Variants in SPTLC3 observed in about 807,000 individuals in gnomAD.
SPTLC3 encodes the protein serine palmitoyltransferase long chain base subunit 3.
A neutral mutation model predicts 59.3 loss-of-function variants in SPTLC3; 36 were observed. That is an observed-to-expected ratio of 0.61 (90% CI 0.47 to 0.80). SPTLC3 has a LOEUF of 0.80. SPTLC3 is among the 30% of genes least tolerant of loss of function. The pLI, the probability that SPTLC3 is intolerant of heterozygous loss-of-function variation, is 0.00. For missense variants in SPTLC3, 625 were observed against 685.1 expected, an observed-to-expected ratio of 0.91 and a Z score of 0.98; for synonymous variants, 257 against 240.8, an observed-to-expected ratio of 1.07 and a Z score of -0.62.
At chr20:13,087,497 C>T (rs552758969) in intron 4 of SPTLC3, among the ~76,000 whole-genome samples, 1 of 152,308 alleles carries the variant, frequency 6.6e-6, no homozygotes, top group African/African-American at 2.4e-5. Context: ...CACCTTGTTG[C>T]CTAGGCATTG....
At chr20:13,035,148 T>G (rs1189571088) in intron 1 of SPTLC3, among the ~76,000 whole-genome samples, 1 of 152,170 alleles carries the variant, frequency 6.6e-6, no homozygotes. Context: ...ATTTGTCAGC[T>G]TTCAGTCTCT....
chr20:13,133,904 T>C (rs1201819922), intron 9 of SPTLC3, among the ~76,000 whole-genome samples: 1 of 152,140 alleles, frequency 6.6e-6, no homozygotes, highest in Non-Finnish European at 1.5e-5. Context: ...TTATTCAACC[T>C]TTACTCAGCC....
At chr20:13,077,280 C>A in intron 4 of SPTLC3, among the ~76,000 whole-genome samples, 1 of 149,630 alleles carries the variant, frequency 6.7e-6, no homozygotes, top group African/African-American at 2.4e-5. Flanking sequence ...ATATAAAATA[C>A]AAATAATATT....
At chr20:13,051,090 T>TTCAA (rs1273115969) in intron 2 of SPTLC3, 3 of 152,200 alleles carry the variant, frequency 2.0e-5, no homozygotes, top group African/African-American at 7.2e-5. Context: ...TACCTCACAT[T>TTCAA]TCAATACTAA....
chr20:13,080,486 G>A (rs2327688), intron 4 of SPTLC3, among the ~76,000 whole-genome samples: 32,460 of 126,010 alleles, frequency 0.26, 4,495 homozygotes, highest in Middle Eastern at 0.4. Flanking sequence ...CCAGCCTCAT[G>A]ACCGAGTGAA....
At chr20:13,068,975 G>A (rs1988336066) in intron 2 of SPTLC3, among the ~76,000 whole-genome samples, 1 of 152,154 alleles carries the variant, frequency 6.6e-6, no homozygotes, top group African/African-American at 2.4e-5. Flanking sequence ...CTGAATCCCT[G>A]AGTCAGGAGG....
chr20:13,088,149 G>GT (rs1336312526), intron 4 of SPTLC3, among the ~76,000 whole-genome samples: 2 of 152,112 alleles, frequency 1.3e-5, no homozygotes, highest in African/African-American at 4.8e-5. Context: ...AGGTAAACGC[G>GT]TATCTGGCAA....
chr20:13,097,345 C>T (rs1989452925), intron 6 of SPTLC3, among the ~76,000 whole-genome samples: 1 of 152,012 alleles, frequency 6.6e-6, no homozygotes, highest in Non-Finnish European at 1.5e-5. Flanking sequence ...ACAAAAGGCA[C>T]CTGGGAGTTC....
At chr20:13,155,475 A>G (rs1568631756) in intron 10 of SPTLC3, among the ~76,000 whole-genome samples, 1 of 152,188 alleles carries the variant, frequency 6.6e-6, no homozygotes, top group Non-Finnish European at 1.5e-5. Context: ...CCTAAAAGAC[A>G]GATTCTTCAG....
intron 9 of SPTLC3, among the ~76,000 whole-genome samples, chr20:13,142,386 T>G (rs113417584): frequency 6.6e-6 from 1 of 152,154 alleles, no homozygotes; most frequent in African/African-American, 2.4e-5. Context: ...CCATGTTGGT[T>G]CAGTACAAGT....
Position 13,160,169 on chromosome 20 carries a change from G to C in SPTLC3, c.1545+37G>C, listed in dbSNP as rs571986973. ...ACAGGCCAACGGGATCTCAGTACCAGTACCTTGGATTCAAAGCAAGTCCTT... is the reference window on the plus strand; with the variant it reads ...ACAGGCCAACGGGATCTCAGTACCACTACCTTGGATTCAAAGCAAGTCCTT... On this transcript the variant is annotated intron_variant, in intron 11 of 11. Transcript: ENST00000399002. 544 of 1,579,498 alleles carry C rather than the reference G, an allele frequency of 3.4e-4. 11 individuals carry two copies. The South Asian group carries it at 6.1e-3, about 18-fold the overall frequency.
chr20:13,063,464 T>C (rs2122543038), intron 2 of SPTLC3, among the ~76,000 whole-genome samples: 1 of 152,106 alleles, frequency 6.6e-6, no homozygotes, highest in East Asian at 1.9e-4. Context: ...TTTCTTTTTT[T>C]CTCTTTGGGA....
At chr20:13,139,723 CTT>C (rs2038337134) in intron 9 of SPTLC3, among the ~76,000 whole-genome samples, 1 of 152,218 alleles carries the variant, frequency 6.6e-6, no homozygotes, top group African/African-American at 2.4e-5. Context: ...AAGAACCAGA[CTT>C]TGCCACAGTA....
chr20:13,032,246 G>C, intron 1 of SPTLC3, among the ~76,000 whole-genome samples: 1 of 152,168 alleles, frequency 6.6e-6, no homozygotes, highest in Non-Finnish European at 1.5e-5. Flanking sequence ...GCCATTGCAG[G>C]ATGGTGAAGG....
Position 13,091,145 on chromosome 20 carries a change from G to A in SPTLC3, c.670G>A (p.Ala224Thr). 6.2e-7 allele frequency: 1 copy of A among 1,614,046 alleles called. No homozygotes were observed. The highest frequency in any genetic ancestry group is 8.5e-7 in the Non-Finnish European group (1 of 1,179,924). ...LVAKFLNVEA[A>T]MVFGMGFATN... Reference sequence around the variant, plus strand: ...GGCTAAGTTCCTGAATGTGGAAGCAGCTATGGTCTTTGGGATGGGATTCGC... The same window carrying A: ...GGCTAAGTTCCTGAATGTGGAAGCAACTATGGTCTTTGGGATGGGATTCGC... The change falls in exon 5 of 12, where the codon GCT (alanine) becomes ACT (threonine). Residue 224 changes from alanine to threonine, a missense_variant. Physicochemically the swap from Ala to Thr is moderately conservative, Grantham distance 58. Transcript: ENST00000399002.
chr20:13,042,373 A>G (rs1452226997), intron 1 of SPTLC3, among the ~76,000 whole-genome samples: 1 of 152,200 alleles, frequency 6.6e-6, no homozygotes, highest in Non-Finnish European at 1.5e-5. Context: ...AGCTAGGGAA[A>G]GGATAGTAGC....
At chr20:13,038,866 T>A (rs1433849145) in intron 1 of SPTLC3, among the ~76,000 whole-genome samples, 1 of 152,140 alleles carries the variant, frequency 6.6e-6, no homozygotes, top group Non-Finnish European at 1.5e-5. Flanking sequence ...TCTCAAAGTG[T>A]CTTCTAATTT....
intron 9 of SPTLC3, among the ~76,000 whole-genome samples, chr20:13,135,079 T>A (rs1013169510): frequency 1.3e-5 from 2 of 152,228 alleles, no homozygotes; most frequent in African/African-American, 4.8e-5. Context: ...AACATTCATT[T>A]TATTGTTTGA....
intron 6 of SPTLC3, among the ~76,000 whole-genome samples, chr20:13,101,123 C>G (rs6041857): frequency 0.39 from 58,644 of 152,042 alleles, 14,148 homozygotes; most frequent in African/African-American, 0.7. Context: ...TCACTGTTAT[C>G]CCTACCTGTG....
Sources: allele counts gnomAD v4.1 joint callset (sites outside exome capture counted in the v4.1 genomes callset), GRCh38; gene constraint gnomAD v4.1.1; transcripts MANE v1.5; gene names NCBI Gene and HGNC (gene_info 2026-07-23, HGNC 2026-07-21).